The following MDGA2 variants were observed in gnomAD, a reference collection of about 807,000 sequenced individuals.
The protein encoded by MDGA2 is MAM domain containing glycosylphosphatidylinositol anchor 2.
A neutral mutation model predicts 117.8 loss-of-function variants in MDGA2; 40 were observed. The ratio of observed to expected loss-of-function variants is 0.34; its 90% CI spans 0.26 to 0.44. The LOEUF (loss-of-function observed/expected upper bound fraction) is 0.44. Among genes scored for constraint, MDGA2 ranks in the 20% least tolerant of loss-of-function variants. The pLI is 1.00. For missense variants in MDGA2, 1,123 were observed against 1,250.6 expected, an observed-to-expected ratio of 0.90 and a Z score of 1.54; for synonymous variants, 452 against 439.0, an observed-to-expected ratio of 1.03 and a Z score of -0.37.
intron 14 of MDGA2, chr14:46,871,836 T>C (rs765500952): frequency 2.4e-5 from 8 of 339,858 alleles, no homozygotes; most frequent in South Asian, 1.9e-4. Flanking sequence ...ACTTCAAGTT[T>C]ATAGTAGTTT....
intron 1 of MDGA2, among the ~76,000 whole-genome samples, chr14:47,572,163 G>C (rs1896032512): frequency 6.6e-6 from 1 of 152,118 alleles, no homozygotes. Flanking sequence ...TTGTTGCACT[G>C]CTTGTGGCAT....
intron 10 of MDGA2, among the ~76,000 whole-genome samples, chr14:46,917,000 T>G (rs1016130469): frequency 2.1e-5 from 1 of 46,742 alleles, no homozygotes; most frequent in Non-Finnish European, 3.3e-5. Context: ...TAGAAATATG[T>G]TTTTTTTTTC....
intron 1 of MDGA2, among the ~76,000 whole-genome samples, chr14:47,373,332 C>G (rs1029251609): frequency 6.6e-6 from 1 of 151,762 alleles, no homozygotes; most frequent in Non-Finnish European, 1.5e-5. Context: ...AGGTATATAT[C>G]CAAGAGAAAT....
chr14:47,263,248 C>A (rs954071582), intron 2 of MDGA2, among the ~76,000 whole-genome samples: 1 of 151,996 alleles, frequency 6.6e-6, no homozygotes, highest in African/African-American at 2.4e-5. Flanking sequence ...ATCTTAAGAA[C>A]GTGGATTTAG....
intron 1 of MDGA2, among the ~76,000 whole-genome samples, chr14:47,393,808 G>A (rs1891948336): frequency 6.6e-6 from 1 of 152,056 alleles, no homozygotes; most frequent in South Asian, 2.1e-4. Context: ...GCCTGTACAG[G>A]AAATGAGGAA....
chr14:47,440,412 G>A (rs1465796549), intron 1 of MDGA2, among the ~76,000 whole-genome samples: 3 of 152,070 alleles, frequency 2.0e-5, no homozygotes, highest in Admixed American at 1.3e-4. Context: ...CCTCACTCAT[G>A]GGAATGCTTT....
intron 1 of MDGA2, among the ~76,000 whole-genome samples, chr14:47,644,754 G>T (rs981984035): frequency 3.3e-5 from 5 of 151,972 alleles, no homozygotes; most frequent in Non-Finnish European, 7.4e-5. Flanking sequence ...TGAGATGACG[G>T]ACATGCTAAA....
intron 2 of MDGA2, among the ~76,000 whole-genome samples, chr14:47,220,415 G>T (rs1239451331): frequency 6.6e-6 from 1 of 152,152 alleles, no homozygotes; most frequent in Non-Finnish European, 1.5e-5. Flanking sequence ...CCAGGATAAA[G>T]ACATTTCCCA....
intron 1 of MDGA2, among the ~76,000 whole-genome samples, chr14:47,489,694 C>A (rs1894130139): frequency 6.6e-6 from 1 of 152,024 alleles, no homozygotes; most frequent in Non-Finnish European, 1.5e-5. Flanking sequence ...GTTGCCATCA[C>A]CATCTTATAA....
intron 1 of MDGA2, among the ~76,000 whole-genome samples, chr14:47,662,201 A>C (rs1275141284): frequency 6.6e-6 from 1 of 152,164 alleles, no homozygotes; most frequent in Non-Finnish European, 1.5e-5. Flanking sequence ...AAAAGCACCC[A>C]GTTTCTTGGG....
intron 1 of MDGA2, among the ~76,000 whole-genome samples, chr14:47,343,879 T>C (rs1890704023): frequency 6.6e-6 from 1 of 152,078 alleles, no homozygotes; most frequent in Non-Finnish European, 1.5e-5. Flanking sequence ...AAAATAGCCA[T>C]ATGTCCCTGA....
chr14:47,627,726 G>A (rs1001817867), intron 1 of MDGA2, among the ~76,000 whole-genome samples: 2 of 152,136 alleles, frequency 1.3e-5, no homozygotes, highest in African/African-American at 2.4e-5. Flanking sequence ...GTGGCAACCC[G>A]CTGGGGTCCC....
chr14:47,552,051 A>C (rs1420870561), intron 1 of MDGA2, among the ~76,000 whole-genome samples: 1 of 152,178 alleles, frequency 6.6e-6, no homozygotes, highest in Non-Finnish European at 1.5e-5. Context: ...CCAGACTAAA[A>C]ATAATATTTC....
chr14:47,646,198 A>C (rs1042049983), intron 1 of MDGA2, among the ~76,000 whole-genome samples: 6 of 151,968 alleles, frequency 3.9e-5, no homozygotes, highest in African/African-American at 1.4e-4. Flanking sequence ...CAATATACCA[A>C]TAGGTTTTGC....
At chr14:47,661,306 C>G (rs1388726536) in intron 1 of MDGA2, among the ~76,000 whole-genome samples, 1 of 152,128 alleles carries the variant, frequency 6.6e-6, no homozygotes, top group Non-Finnish European at 1.5e-5. Context: ...TTGCATCTAT[C>G]TCATACAAAG....
intron 8 of MDGA2, among the ~76,000 whole-genome samples, chr14:47,025,667 T>G (rs12882338): frequency 0.051 from 7,695 of 149,488 alleles, 253 homozygotes; most frequent in Middle Eastern, 0.075. Flanking sequence ...AAGTAGCCTC[T>G]AAACACCATA....
chr14:47,467,026 A>C (rs972453582), intron 1 of MDGA2, among the ~76,000 whole-genome samples: 1 of 152,124 alleles, frequency 6.6e-6, no homozygotes, highest in African/African-American at 2.4e-5. Context: ...AGTGAACTGA[A>C]GTAATTGTAA....
At chr14:47,616,421 C>T (rs1896949921) in intron 1 of MDGA2, among the ~76,000 whole-genome samples, 1 of 152,096 alleles carries the variant, frequency 6.6e-6, no homozygotes, top group Non-Finnish European at 1.5e-5. Context: ...AGAAGAAGAC[C>T]TAAATTTTAT....
chr14:47,034,042 CT>C (rs1323231242), intron 8 of MDGA2, among the ~76,000 whole-genome samples: 3 of 152,120 alleles, frequency 2.0e-5, no homozygotes, highest in African/African-American at 7.2e-5. Flanking sequence ...ATGGTTTCAC[CT>C]AATTCATCTG....
Sources: allele counts gnomAD v4.1 joint callset (sites outside exome capture counted in the v4.1 genomes callset), GRCh38; gene constraint gnomAD v4.1.1; transcripts MANE v1.5; gene names NCBI Gene and HGNC (gene_info 2026-07-23, HGNC 2026-07-21).